NNT: variants seen among roughly 807,000 people sequenced by gnomAD.
NNT encodes the protein nicotinamide nucleotide transhydrogenase.
Under a neutral mutation model 104.8 loss-of-function variants are expected in NNT, and 50 were observed. The ratio of observed to expected loss-of-function variants is 0.48; its 90% confidence interval spans 0.38 to 0.60. The LOEUF (loss-of-function observed/expected upper bound fraction) is 0.60, where lower values mean the gene tolerates loss of function less well. NNT is among the 20% of genes least tolerant of loss of function. The pLI is 0.00. For synonymous variants in NNT, 461 were observed against 490.4 expected (o/e 0.94, Z 0.79); for missense variants, 1,131 against 1,330.7 (o/e 0.85, Z 2.33).
At position 43,675,685 on chromosome 5, in the gene NNT, C is replaced by G; in HGVS notation, c.2794+15C>G. On this transcript the variant is annotated intron_variant, in intron 18 of 21. Transcript: ENST00000344920. ...TATTACACCAGGTAAAGAAAAAAAG[C>G]AAAAGCAAATAACCTATAATAGCTG... 2 of 1,572,054 alleles carry G rather than the reference C, an allele frequency of 1.3e-6. No individual in the cohort carries two copies. The highest frequency in any genetic ancestry group is 1.7e-6 in the Non-Finnish European group (2 of 1,159,636).
intron 17 of NNT, among the ~76,000 whole-genome samples, chr5:43,672,059 C>T (rs1185980808): frequency 6.6e-6 from 1 of 152,208 alleles, no homozygotes; most frequent in African/African-American, 2.4e-5. Context: ...GATACCCTTT[C>T]TTCCAGTTGA....
At chr5:43,651,624 G>C (rs1739770967) in intron 12 of NNT, 115 bp from the exon 13 acceptor site, 1 of 1,107,496 alleles carries the variant, frequency 9.0e-7, no homozygotes, top group Non-Finnish European at 1.3e-6. Context: ...AATTATATTT[G>C]TTCCTAGGTG....
At chr5:43,638,126 A>G (rs1751037333) in intron 7 of NNT, among the ~76,000 whole-genome samples, 2 of 152,116 alleles carry the variant, frequency 1.3e-5, no homozygotes, top group Admixed American at 1.3e-4. Flanking sequence ...CTGGGCACTC[A>G]TTTCTTTCTG....
At chr5:43,668,241 G>C (rs1396122427) in intron 17 of NNT, among the ~76,000 whole-genome samples, 1 of 87,712 alleles carries the variant, frequency 1.1e-5, no homozygotes, top group African/African-American at 6.1e-5. Context: ...CACTCTGATG[G>C]TGGTTTTTTT....
intron 21 of NNT, among the ~76,000 whole-genome samples, chr5:43,703,917 A>G (rs1218031719): frequency 6.6e-6 from 1 of 152,202 alleles, no homozygotes; most frequent in African/African-American, 2.4e-5. Flanking sequence ...ACATTCATAG[A>G]AAGATGCTTA....
At chr5:43,617,807 A>G (rs1327650707) in intron 4 of NNT, among the ~76,000 whole-genome samples, 1 of 152,202 alleles carries the variant, frequency 6.6e-6, no homozygotes, top group Non-Finnish European at 1.5e-5. Flanking sequence ...TTGCCCATTA[A>G]AAATTGCTGT....
At chr5:43,665,632 C>T (rs1045601739) in intron 17 of NNT, among the ~76,000 whole-genome samples, 13 of 152,316 alleles carry the variant, frequency 8.5e-5, no homozygotes, top group Admixed American at 3.9e-4. Flanking sequence ...ATGTCTACTT[C>T]TTCCTATATA....
At chr5:43,645,561 T>C (rs775563341) in intron 10 of NNT, 51 bp downstream of exon 10, 1 of 1,136,544 alleles carries the variant, frequency 8.8e-7, no homozygotes, top group East Asian at 3.0e-5. Flanking sequence ...ATTTTGCAAG[T>C]TATATATATA....
Position 43,619,192 on chromosome 5 carries a change from C to G in NNT, c.687+73C>G, listed in dbSNP as rs183298456. ...AAAGGGTATGTATAGTCTTAAAATACAGTTATTTAAAAATTTTTATATGTT... is the reference window on the plus strand; with the variant it reads ...AAAGGGTATGTATAGTCTTAAAATAGAGTTATTTAAAAATTTTTATATGTT... On this transcript the variant is annotated intron_variant, in intron 5 of 21. Coordinates refer to ENST00000344920, the MANE Select transcript of NNT (RefSeq NM_182977.3). 44 of 816,146 alleles carry G rather than the reference C, an allele frequency of 5.4e-5. No individual in the cohort carries two copies. The Admixed American group carries it at 1.1e-3, about 20-fold the overall frequency. 50.6% of individuals were successfully genotyped at this position (816,146 alleles called of 1,614,324 possible).
chr5:43,622,976 G>A (rs960866253), intron 5 of NNT, among the ~76,000 whole-genome samples: 10 of 150,756 alleles, frequency 6.6e-5, no homozygotes, highest in African/African-American at 2.2e-4. Flanking sequence ...TCTTTAAGTG[G>A]TGATGGAGCT....
At chr5:43,616,112 A>G (rs376323416) in intron 4 of NNT, 47 bp downstream of exon 4, 5 of 1,450,472 alleles carry the variant, frequency 3.4e-6, no homozygotes, top group African/African-American at 2.8e-5. Flanking sequence ...ATAGTGCTAC[A>G]GAAACCTTCA....
intron 19 of NNT, among the ~76,000 whole-genome samples, chr5:43,697,140 A>C (rs1742598711): frequency 6.6e-6 from 1 of 152,132 alleles, no homozygotes; most frequent in African/African-American, 2.4e-5. Context: ...TTCTTTCTAA[A>C]ACTGAATGCC....
At chr5:43,612,483 T>G (rs1465907628) in intron 2 of NNT, among the ~76,000 whole-genome samples, 1 of 152,224 alleles carries the variant, frequency 6.6e-6, no homozygotes, top group African/African-American at 2.4e-5. Context: ...GCCATCAAAG[T>G]GTCTAGGATA....
chr5:43,667,969 T>C (rs1164148414), intron 17 of NNT, among the ~76,000 whole-genome samples: 1 of 152,236 alleles, frequency 6.6e-6, no homozygotes, highest in Non-Finnish European at 1.5e-5. Context: ...TTCTAACTGG[T>C]GTGAGATGGT....
At chr5:43,647,362 T>G (rs1373265770) in intron 10 of NNT, among the ~76,000 whole-genome samples, 1 of 152,190 alleles carries the variant, frequency 6.6e-6, no homozygotes, top group Non-Finnish European at 1.5e-5. Context: ...CATAAGGAAA[T>G]GTAGCAAGGC....
At chr5:43,702,467 T>A (rs1406175629) in intron 20 of NNT, among the ~76,000 whole-genome samples, 154 bp from the exon 21 acceptor site, 1 of 152,228 alleles carries the variant, frequency 6.6e-6, no homozygotes, top group Non-Finnish European at 1.5e-5. Context: ...GCTTAACCTC[T>A]CTGATAAAGT....
At chr5:43,696,893 C>T (rs1742585179) in intron 19 of NNT, among the ~76,000 whole-genome samples, 1 of 152,182 alleles carries the variant, frequency 6.6e-6, no homozygotes, top group African/African-American at 2.4e-5. Context: ...GGACTCTGGG[C>T]CTGGCCCATG....
chr5:43,690,142 A>G (rs1372060428), intron 19 of NNT, among the ~76,000 whole-genome samples: 2 of 152,214 alleles, frequency 1.3e-5, no homozygotes, highest in South Asian at 4.1e-4. Context: ...AGATCGACAC[A>G]TCCAAATAAC....
At chr5:43,636,707 A>G (rs1371700161) in intron 7 of NNT, among the ~76,000 whole-genome samples, 1 of 152,180 alleles carries the variant, frequency 6.6e-6, no homozygotes, top group Non-Finnish European at 1.5e-5. Context: ...ATGAGAATGT[A>G]TATTTCCTTA....
Sources: allele counts gnomAD v4.1 joint callset (sites outside exome capture counted in the v4.1 genomes callset), GRCh38; gene constraint gnomAD v4.1.1; transcripts MANE v1.5; gene names NCBI Gene and HGNC (gene_info 2026-07-23, HGNC 2026-07-21).